Variants in FAM135A observed in about 807,000 individuals in gnomAD.
FAM135A encodes the protein protein FAM135A.
Under a neutral mutation model 146.8 loss-of-function variants are expected in FAM135A, and 79 were observed. The ratio of observed to expected loss-of-function variants is 0.54; its 90% CI spans 0.45 to 0.65. FAM135A has a LOEUF of 0.65. FAM135A is among the 30% of genes least tolerant of loss of function. FAM135A has a pLI of 0.00. For synonymous variants in FAM135A, 562 were observed against 603.6 expected (o/e 0.93, Z 1.01); for missense variants, 1,623 against 1,758.2 (o/e 0.92, Z 1.38).
intron 20 of FAM135A, among the ~76,000 whole-genome samples, chr6:70,553,133 C>T (rs1332082040): frequency 1.3e-5 from 2 of 152,076 alleles, no homozygotes; most frequent in African/African-American, 4.8e-5. Context: ...ATTAGATAAA[C>T]CAGTGAACCA....
chr6:70,435,081 GTATATATATA>G (rs767689681), intron 4 of FAM135A, among the ~76,000 whole-genome samples: 258 of 94,268 alleles, frequency 2.7e-3, no homozygotes, highest in African/African-American at 0.014. Context: ...GTGTGTGTGT[GTATATATATA>G]TATATATATA....
chr6:70,487,480 G>A (rs1012705605), intron 10 of FAM135A, among the ~76,000 whole-genome samples: 2 of 152,082 alleles, frequency 1.3e-5, no homozygotes, highest in African/African-American at 4.8e-5. Flanking sequence ...ATTTTCAGAG[G>A]TATGAAATGA....
intron 5 of FAM135A, among the ~76,000 whole-genome samples, chr6:70,468,479 T>C (rs901619787): frequency 1.3e-5 from 2 of 152,192 alleles, no homozygotes; most frequent in Admixed American, 1.3e-4. Context: ...CTGGCCTGCC[T>C]CCATGTCACT....
At chr6:70,500,122 T>C (rs2128243404) in intron 11 of FAM135A, among the ~76,000 whole-genome samples, 1 of 152,310 alleles carries the variant, frequency 6.6e-6, no homozygotes, top group Admixed American at 6.5e-5. Context: ...CACCAATCAA[T>C]CGTAGGTTTG....
At chr6:70,534,148 AATTG>A (rs2128408207) in intron 18 of FAM135A, among the ~76,000 whole-genome samples, 1 of 152,130 alleles carries the variant, frequency 6.6e-6, no homozygotes, top group South Asian at 2.1e-4. Context: ...AAGGTCCTAA[AATTG>A]ATTATAGTGA....
chr6:70,444,371 C>G (rs1029936791), intron 4 of FAM135A, among the ~76,000 whole-genome samples: 3 of 151,944 alleles, frequency 2.0e-5, no homozygotes, highest in Non-Finnish European at 4.4e-5. Flanking sequence ...CCACTACACT[C>G]CAGCCTGGGT....
intron 2 of FAM135A, among the ~76,000 whole-genome samples, chr6:70,424,596 C>T (rs1350899508): frequency 6.6e-6 from 1 of 152,170 alleles, no homozygotes; most frequent in Non-Finnish European, 1.5e-5. Flanking sequence ...AGCTGGATCC[C>T]TTTGTTTTGT....
At chr6:70,552,271 A>G (rs1025490027) in intron 20 of FAM135A, among the ~76,000 whole-genome samples, 20 of 152,088 alleles carry the variant, frequency 1.3e-4, no homozygotes, top group African/African-American at 4.8e-4. Flanking sequence ...TAATCCAAAT[A>G]CAATTGAGCC....
At chr6:70,429,519 C>T (rs752314087) in intron 4 of FAM135A, among the ~76,000 whole-genome samples, 19 of 149,678 alleles carry the variant, frequency 1.3e-4, no homozygotes, top group African/African-American at 3.0e-4. Context: ...TCTCAAGGAA[C>T]GTTAAAAAAA....
intron 4 of FAM135A, among the ~76,000 whole-genome samples, chr6:70,428,886 G>C (rs140940311): frequency 1.7e-3 from 256 of 152,038 alleles, no homozygotes; most frequent in African/African-American, 5.9e-3. Flanking sequence ...CCCACTGTTG[G>C]GTATTTCATT....
chr6:70,435,084 T>C (rs1236456121), intron 4 of FAM135A, among the ~76,000 whole-genome samples: 11 of 34,448 alleles, frequency 3.2e-4, no homozygotes, highest in Admixed American at 3.0e-3. Flanking sequence ...TGTGTGTGTA[T>C]ATATATATAT....
At position 70,525,372 on chromosome 6, in the gene FAM135A, C is replaced by G. The variant is rs751507332; in HGVS notation, c.2288C>G (p.Ala763Gly). The G allele has an allele frequency of 6.2e-7, 1 of 1,613,666 alleles. No homozygotes were observed. Among genetic ancestry groups the G allele is most frequent in the Admixed American group, 1.7e-5 (1 of 59,996 alleles). The change falls in exon 15 of 22, where the codon GCC becomes GGC. Residue 763 changes from alanine (A) to glycine (G), a missense_variant. By Grantham distance (60) the Ala-to-Gly change is moderately conservative (BLOSUM62 0). Around this residue, in one of 7 missense-constraint regions of FAM135A, gnomAD observed 1,061 missense variants for 1,113.8 expected, o/e 0.95. Transcript: ENST00000418814. ...TTACCAGATATTAGTGCCACATATG[C>G]CTCATCTAGATTTTCAGATTCAGGT... is the stretch of plus-strand genomic sequence containing the variant. ...IKLPDISATY[A>G]SSRFSDSGVE...
intron 4 of FAM135A, among the ~76,000 whole-genome samples, chr6:70,449,925 C>T (rs796634783): frequency 4.6e-5 from 7 of 152,144 alleles, no homozygotes; most frequent in African/African-American, 1.7e-4. Flanking sequence ...CCGACACTAT[C>T]TTTTCCGTTT....
chr6:70,470,938 G>T (rs957697073), intron 5 of FAM135A, among the ~76,000 whole-genome samples: 1 of 152,178 alleles, frequency 6.6e-6, no homozygotes, highest in Non-Finnish European at 1.5e-5. Flanking sequence ...ATTTTCTCAT[G>T]AAATAAGAAA....
In FAM135A at chr6:70,536,351, C is replaced by T. The variant is rs1352615272; in HGVS notation, c.4057C>T (p.Leu1353=). 6.2e-7 allele frequency: 1 copy of T among 1,613,494 alleles called. No individual in the cohort carries two copies. Among genetic ancestry groups the T allele is most frequent in the East Asian group, 2.2e-5 (1 of 44,736 alleles). Reference sequence around the variant, plus strand: ...TTACCTCAACAAACTTCATACCTTTCTGTCTCTTTCTGGACCTCACCTTGG... The same window carrying T: ...TTACCTCAACAAACTTCATACCTTTTTGTCTCTTTCTGGACCTCACCTTGG... The part of the protein sequence containing the change: ...KYYLNKLHTF[L]SLSGPHLGTL... The change falls in exon 19 of 22, where the codon CTG becomes TTG. Residue 1353 remains leucine, a synonymous_variant. Coordinates refer to ENST00000418814, the MANE Select transcript of FAM135A (RefSeq NM_001162529.3).
chr6:70,559,572 T>TA lies in FAM135A; in HGVS notation c.4343-141dup, dbSNP rs1801572022. 6 of 593,256 alleles carry TA rather than the reference T, an allele frequency of 1.0e-5. No individual in the cohort carries two copies. The Admixed American group carries it at 2.1e-4, about 21-fold the overall frequency. 36.7% of individuals were successfully genotyped at this position (593,256 alleles called of 1,614,324 possible). On this transcript the variant is annotated intron_variant, in intron 21 of 21. Transcript: ENST00000418814. ...CCAAAAATGATAGTTGAAGGAAAAT[T>TA]AAACCTTTTTAAAAAGAGCCATTTT...
intron 7 of FAM135A, among the ~76,000 whole-genome samples, chr6:70,476,395 T>C (rs965341071): frequency 2.0e-5 from 3 of 152,174 alleles, no homozygotes; most frequent in Non-Finnish European, 4.4e-5. Context: ...GTGGGATAAG[T>C]AACTAAAAAG....
At chr6:70,557,694 C>CAAAAAAAA (rs1177559650) in intron 21 of FAM135A, 1 of 58,136 alleles carries the variant, frequency 1.7e-5, no homozygotes. Flanking sequence ...AACTCTGTCT[C>CAAAAAAAA]AAAAAAAAAA....
At chr6:70,419,467 T>C (rs1408494621) in intron 2 of FAM135A, among the ~76,000 whole-genome samples, 1 of 152,174 alleles carries the variant, frequency 6.6e-6, no homozygotes, top group East Asian at 1.9e-4. Flanking sequence ...CTTATTCCTT[T>C]AGAGAAGGCC....
Sources: gnomAD v4.1 joint callset for allele counts (sites outside exome capture counted in the v4.1 genomes callset) on GRCh38, gnomAD v4.1.1 for gene constraint, gnomAD v4.1.1 regional missense constraint, MANE v1.5 for transcripts, NCBI Gene and HGNC (gene_info 2026-07-23, HGNC 2026-07-21) for gene names.